Variants in ZNF280D observed in about 807,000 individuals in gnomAD.
The protein encoded by ZNF280D is suppressor of hairy wing homolog 4.
A neutral mutation model predicts 94.7 loss-of-function variants in ZNF280D; 39 were observed. The ratio of observed to expected loss-of-function variants is 0.41; its 90% CI spans 0.32 to 0.54. The LOEUF is 0.54. ZNF280D is among the 20% of genes least tolerant of loss of function. The probability of loss-of-function intolerance (pLI) is 0.22; values close to 1 mark genes in which losing one functional copy is unlikely to be tolerated. For missense variants in ZNF280D, 1,090 were observed against 1,149.3 expected (o/e 0.95, Z 0.75); for synonymous variants, 398 against 377.6 (o/e 1.05, Z -0.63).
Position 56,631,935 on chromosome 15 carries a change from T to C in ZNF280D, c.2503A>G (p.Lys835Glu). Residue 835 changes from lysine to glutamate, a missense_variant, in exon 22 of 22, where the codon AAA becomes GAA. By Grantham distance (56) the Lys-to-Glu change is moderately conservative. This residue lies in a region of ZNF280D where 577 missense variants were observed against 568.8 expected (regional missense o/e 1.01). Transcript: ENST00000267807. ...VSCDSNIGAD[K>E]VEKKKQIQHV... ...TGTATTTGTTTTTTCTTTTCCACTT[T>C]ATCTGCACCAATATTTGAATCACAA... 1.9e-6 allele frequency: 3 copies of C among 1,614,004 alleles called. No individual in the cohort carries two copies. The highest frequency in any genetic ancestry group is 1.1e-5 in the South Asian group (1 of 91,086).
Position 56,681,797 on chromosome 15 carries a change from A to G in ZNF280D, c.1004+457T>C, listed in dbSNP as rs574821895. Among the ~76,000 whole-genome samples, 24 of 152,240 alleles carry G rather than the reference A, an allele frequency of 1.6e-4. 1 individual carries two copies. In the South Asian group the frequency reaches 5.0e-3, roughly 32 times the overall value. On this transcript the variant is annotated intron_variant, in intron 10 of 21. Transcript: ENST00000267807. The stretch of plus-strand genomic sequence containing the variant: ...TAGAACTGATACATCTCTAAAACTG[A>G]TAATTTTTCCTGCAAGATTAATGTT...
chr15:56,683,203 A>G (rs1295226529), intron 9 of ZNF280D, among the ~76,000 whole-genome samples: 1 of 152,158 alleles, frequency 6.6e-6, no homozygotes, highest in Non-Finnish European at 1.5e-5. Flanking sequence ...TCATATCTCT[A>G]TAAAAGAGCT....
At chr15:56,674,817 C>A (rs575206670) in intron 13 of ZNF280D, among the ~76,000 whole-genome samples, 2 of 151,882 alleles carry the variant, frequency 1.3e-5, no homozygotes, top group African/African-American at 2.4e-5. Context: ...AAAAGTCACA[C>A]AAACTGGGTT....
At chr15:56,705,195 C>T (rs1485312522) in intron 3 of ZNF280D, among the ~76,000 whole-genome samples, 1 of 152,020 alleles carries the variant, frequency 6.6e-6, no homozygotes. Context: ...TATCATGAAA[C>T]TTTTTTCTCT....
chr15:56,667,450 A>G (rs2054371749), intron 14 of ZNF280D, among the ~76,000 whole-genome samples: 1 of 152,204 alleles, frequency 6.6e-6, no homozygotes, highest in African/African-American at 2.4e-5. Context: ...CTCAGTGCCC[A>G]AGATTTATGC....
At chr15:56,660,611 T>C (rs2053871093) in intron 16 of ZNF280D, among the ~76,000 whole-genome samples, 1 of 151,998 alleles carries the variant, frequency 6.6e-6, no homozygotes, top group Admixed American at 6.6e-5. Flanking sequence ...GTAATAGCAA[T>C]ATAGAAATAA....
rs2056250467 is a variant in ZNF280D, at chr15:56,689,032, G to A, written c.780+9C>T. 1.3e-6 allele frequency: 2 copies of A among 1,560,782 alleles called. No homozygotes were observed. The highest frequency in any genetic ancestry group is 3.8e-5 in the Admixed American group (2 of 52,716). On this transcript the variant is annotated intron_variant, in intron 9 of 21. Transcript: ENST00000267807. ...ACTTTTTACAAATTAAATTTTGAAA[G>A]AGTTTTACCTTCATGTGATTTTTCA...
chr15:56,689,211 A>G (rs2056268472), intron 8 of ZNF280D, 61 bp from the exon 9 acceptor site: 1 of 1,548,584 alleles, frequency 6.5e-7, no homozygotes, highest in Admixed American at 2.0e-5. Context: ...TTAAATAACC[A>G]CTAATAATAC....
At chr15:56,653,850 T>G (rs895643439) in intron 19 of ZNF280D, 1 of 1,238,518 alleles carries the variant, frequency 8.1e-7, no homozygotes, top group Admixed American at 4.2e-5. Flanking sequence ...AAAAAAAATA[T>G]GTTAAGATAT....
intron 17 of ZNF280D, among the ~76,000 whole-genome samples, chr15:56,658,047 A>C (rs1166841872): frequency 6.6e-6 from 1 of 152,210 alleles, no homozygotes; most frequent in East Asian, 1.9e-4. Context: ...ACATGCTACA[A>C]CATAGATGAA....
At chr15:56,641,062 T>C (rs1316699245) in intron 20 of ZNF280D, among the ~76,000 whole-genome samples, 4 of 152,102 alleles carry the variant, frequency 2.6e-5, no homozygotes, top group Admixed American at 1.3e-4. Flanking sequence ...AGGGCATTTA[T>C]AATCTTAATT....
intron 20 of ZNF280D, among the ~76,000 whole-genome samples, chr15:56,638,417 A>G (rs1168356353): frequency 6.6e-6 from 1 of 152,244 alleles, no homozygotes; most frequent in Non-Finnish European, 1.5e-5. Flanking sequence ...ACAGTGCAAC[A>G]AGCAAGAAAA....
chr15:56,701,052 G>C lies in ZNF280D; in HGVS notation c.262C>G (p.Pro88Ala). 1 of 1,613,720 alleles carries C rather than the reference G, an allele frequency of 6.2e-7. No individual in the cohort carries two copies. The highest frequency in any genetic ancestry group is 2.2e-5 in the East Asian group (1 of 44,852). The change falls in exon 6 of 22, where the codon CCT becomes GCT. Residue 88 changes from proline to alanine, a missense_variant. Physicochemically the swap from Pro to Ala is conservative, Grantham distance 27. This residue lies in a region of ZNF280D where 386 missense variants were observed against 372.0 expected (regional missense o/e 1.04). Transcript: ENST00000267807. ...GGATTCGTGTAGTGTTGACTTGTAGGCTTGAATGCAGCAGTAATACCTGTA... is the reference window on the plus strand; with the variant it reads ...GGATTCGTGTAGTGTTGACTTGTAGCCTTGAATGCAGCAGTAATACCTGTA... ...LSRGITAAFK[P>A]TSQHYTNPTS... is the part of the protein sequence containing the mutation.
At chr15:56,690,578 T>C (rs1396137756) in intron 7 of ZNF280D, among the ~76,000 whole-genome samples, 1 of 152,208 alleles carries the variant, frequency 6.6e-6, no homozygotes, top group Non-Finnish European at 1.5e-5. Context: ...AAAATTTTTA[T>C]ATAAGGATTT....
At chr15:56,701,703 CT>C (rs2057083385) in intron 4 of ZNF280D, among the ~76,000 whole-genome samples, 1 of 152,100 alleles carries the variant, frequency 6.6e-6, no homozygotes, top group Non-Finnish European at 1.5e-5. Context: ...ACTGCATTCA[CT>C]CGTCTAAAAG....
At chr15:56,653,736 T>G (rs1304257607) in intron 19 of ZNF280D, 2 of 1,304,792 alleles carry the variant, frequency 1.5e-6, no homozygotes, top group African/African-American at 3.1e-5. Context: ...TAATTTGGAA[T>G]CTATTATTCT....
intron 19 of ZNF280D, among the ~76,000 whole-genome samples, chr15:56,649,265 T>C (rs144497338): frequency 1.4e-3 from 218 of 152,226 alleles, no homozygotes; most frequent in Middle Eastern, 0.01. Flanking sequence ...AAAAAAATGG[T>C]AGTAACCTCA....
At chr15:56,703,403 C>T (rs1287214394) in intron 4 of ZNF280D, among the ~76,000 whole-genome samples, 3 of 152,108 alleles carry the variant, frequency 2.0e-5, no homozygotes, top group Non-Finnish European at 4.4e-5. Flanking sequence ...TTTGTAGCCA[C>T]GTATAGATGA....
At chr15:56,661,344 G>A (rs1272606155) in intron 16 of ZNF280D, among the ~76,000 whole-genome samples, 1 of 152,116 alleles carries the variant, frequency 6.6e-6, no homozygotes, top group Non-Finnish European at 1.5e-5. Context: ...TCAATGTTAG[G>A]AAAGGATTTT....
Sources: gnomAD v4.1 joint callset for allele counts (sites outside exome capture counted in the v4.1 genomes callset) on GRCh38, gnomAD v4.1.1 for gene constraint, gnomAD v4.1.1 regional missense constraint, MANE v1.5 for transcripts, NCBI Gene and HGNC (gene_info 2026-07-23, HGNC 2026-07-21) for gene names.